Variants in ARSG observed in about 807,000 individuals in gnomAD.
The protein encoded by ARSG is arylsulfatase G.
A neutral mutation model predicts 50.5 loss-of-function variants in ARSG; 37 were observed. The observed-to-expected ratio is 0.73, with a 90% CI of 0.56 to 0.96. ARSG has a LOEUF of 0.96. Among genes scored for constraint, ARSG ranks in the 50% least tolerant of loss-of-function variants. ARSG has a pLI of 0.00. For synonymous variants in ARSG, 225 were observed against 254.6 expected, an observed-to-expected ratio of 0.88 and a Z score of 1.11; for missense variants, 629 against 675.3, an observed-to-expected ratio of 0.93 and a Z score of 0.76.
At chr17:68,281,296 C>CG (rs147922141) in intron 1 of ARSG, among the ~76,000 whole-genome samples, 5,301 of 152,084 alleles carry the variant, frequency 0.035, 148 homozygotes, top group Middle Eastern at 0.085. Context: ...AGGCTGGTGG[C>CG]GGTGGCTCAC....
intron 2 of ARSG, among the ~76,000 whole-genome samples, chr17:68,332,126 C>T (rs2077802251): frequency 6.6e-6 from 1 of 152,202 alleles, no homozygotes; most frequent in African/African-American, 2.4e-5. Context: ...ATTATTTCAT[C>T]CTTTATGTAC....
the ARSG span, chr17:68,428,941 G>A: frequency 2.5e-6 from 4 of 1,610,698 alleles, no homozygotes; most frequent in Non-Finnish European, 8.5e-7. Flanking sequence ...TGGATCCTAA[G>A]GGCCAAGGAA....
At chr17:68,357,996 G>A (rs1221203728) in intron 6 of ARSG, among the ~76,000 whole-genome samples, 3 of 152,022 alleles carry the variant, frequency 2.0e-5, no homozygotes, top group Admixed American at 6.6e-5. Context: ...TTGAGTCTAG[G>A]AGTTCAAGAC....
At chr17:68,286,101 C>T (rs1215837300) in intron 1 of ARSG, among the ~76,000 whole-genome samples, 11 of 152,104 alleles carry the variant, frequency 7.2e-5, no homozygotes, top group Non-Finnish European at 1.2e-4. Flanking sequence ...CCATGTGGAC[C>T]GGGCTGTGGG....
At chr17:68,351,177 T>C (rs1039705158) in intron 4 of ARSG, among the ~76,000 whole-genome samples, 6 of 152,114 alleles carry the variant, frequency 3.9e-5, no homozygotes, top group Non-Finnish European at 5.9e-5. Context: ...AAAAATTTTT[T>C]ATAATTTTTT....
In ARSG at chr17:68,395,309, C is replaced by T. The variant is rs62085881; in HGVS notation, c.1212+116C>T. On this transcript the variant is annotated intron_variant, in intron 10 of 11. Coordinates refer to ENST00000621439, the MANE Select transcript of ARSG (RefSeq NM_001267727.2). ...AGATGGTCAAGAACAGGCTGCAGGT[C>T]GGATACAGTGGCTCACGCCTGTAAT... The T allele has an allele frequency of 3.5e-3, 5,111 of 1,477,858 alleles. 19 individuals carry two copies. Among genetic ancestry groups the T allele is most frequent in the African/African-American group, 0.012 (884 of 72,246 alleles). The allele number at this position is 1,477,858 out of a possible 1,614,324, so 91.5% of individuals were successfully genotyped here.
rs1599638701 is a variant in ARSG, at chr17:68,304,538, A to G, written c.-551-2405A>G. On this transcript the variant is annotated intron_variant, in intron 1 of 11. Coordinates refer to ENST00000621439, the MANE Select transcript of ARSG (RefSeq NM_001267727.2). ...AATTTACATACCTCTAACCACCCCC[A>G]TCCATGTGGATTGATCAATTGGGTT... Among the ~76,000 whole-genome samples the G allele has an allele frequency of 3.3e-5, 5 of 152,226 alleles. No homozygotes were observed. In the South Asian group the frequency reaches 1.0e-3, roughly 32 times the overall value.
chr17:68,418,103 G>GC (rs2147542641), intron 11 of ARSG, among the ~76,000 whole-genome samples: 1 of 152,186 alleles, frequency 6.6e-6, no homozygotes, highest in South Asian at 2.1e-4. Context: ...CTCCTTATGT[G>GC]CCAGACTAGA....
chr17:68,366,230 C>T (rs567017190), intron 6 of ARSG, among the ~76,000 whole-genome samples: 20 of 130,766 alleles, frequency 1.5e-4, no homozygotes, highest in African/African-American at 4.9e-4. Context: ...TGAGCCACTA[C>T]GCCTGGCAAA....
chr17:68,320,828 A>G (rs1016065163), intron 2 of ARSG, among the ~76,000 whole-genome samples: 1 of 152,146 alleles, frequency 6.6e-6, no homozygotes, highest in African/African-American at 2.4e-5. Context: ...AATTGTGGCA[A>G]TGGAGAGAGA....
chr17:68,448,919 C>T, the ARSG span, among the ~76,000 whole-genome samples: 1 of 152,214 alleles, frequency 6.6e-6, no homozygotes, highest in Non-Finnish European at 1.5e-5. Context: ...CTTTCTTACT[C>T]CTGCTACTCC....
At chr17:68,444,263 G>A in the ARSG span, among the ~76,000 whole-genome samples, 1 of 152,182 alleles carries the variant, frequency 6.6e-6, no homozygotes, top group South Asian at 2.1e-4. Context: ...CCCAGACAAA[G>A]GGTGTTGTTA....
intron 1 of ARSG, among the ~76,000 whole-genome samples, chr17:68,304,339 T>G (rs1479322889): frequency 6.6e-6 from 1 of 152,244 alleles, no homozygotes; most frequent in Admixed American, 6.5e-5. Flanking sequence ...CAAATACCAG[T>G]TGAGTCTAAT....
At chr17:68,430,294 C>A in the ARSG span, 1 of 823,112 alleles carries the variant, frequency 1.2e-6, no homozygotes, top group Non-Finnish European at 1.9e-6. Flanking sequence ...AATGTTCTGC[C>A]CACTGAGAAC....
At chr17:68,440,893 G>A in the ARSG span, 6 of 152,188 alleles carry the variant, frequency 3.9e-5, no homozygotes, top group South Asian at 2.1e-4. Context: ...TACGCTTTCC[G>A]ATTTTCAAAA....
At chr17:68,276,889 G>C (rs2075541239) in intron 1 of ARSG, among the ~76,000 whole-genome samples, 1 of 152,192 alleles carries the variant, frequency 6.6e-6, no homozygotes, top group Admixed American at 6.5e-5. Context: ...GTGAAGATTA[G>C]TATGTTAAAA....
chr17:68,356,558 G>C, intron 5 of ARSG, 109 bp from the exon 6 acceptor site: 1 of 1,298,844 alleles, frequency 7.7e-7, no homozygotes, highest in Admixed American at 2.1e-5. Context: ...AATCATTTGG[G>C]GCCAGAGTGT....
At chr17:68,326,292 C>A (rs1555772417) in intron 2 of ARSG, among the ~76,000 whole-genome samples, 1 of 152,198 alleles carries the variant, frequency 6.6e-6, no homozygotes, top group South Asian at 2.1e-4. Flanking sequence ...GGGGCCAGCC[C>A]TGTGGAGACC....
At chr17:68,306,105 C>A (rs1042564688) in intron 1 of ARSG, among the ~76,000 whole-genome samples, 3 of 151,790 alleles carry the variant, frequency 2.0e-5, no homozygotes, top group African/African-American at 4.8e-5. Context: ...TGGGTTCAAG[C>A]GATTCTCTTG....
Sources: allele counts gnomAD v4.1 joint callset (sites outside exome capture counted in the v4.1 genomes callset), GRCh38; gene constraint gnomAD v4.1.1; transcripts MANE v1.5; gene names NCBI Gene and HGNC (gene_info 2026-07-23, HGNC 2026-07-21).